The following RANBP2 variants were observed in gnomAD, a reference collection of about 807,000 sequenced individuals.
RANBP2 encodes the protein E3 SUMO-protein ligase RanBP2.
RANBP2 carries 57 observed loss-of-function variants against 303.6 expected under a neutral mutation model. That is an observed-to-expected ratio of 0.19 (90% CI 0.15 to 0.23). RANBP2 has a LOEUF of 0.23. RANBP2 is among the 10% of genes least tolerant of loss of function. The pLI is 1.00. For synonymous variants in RANBP2, 1,167 were observed against 1,301.5 expected, an observed-to-expected ratio of 0.90 and a Z score of 2.23; for missense variants, 3,138 against 3,780.8, an observed-to-expected ratio of 0.83 and a Z score of 4.46.
the RANBP2 span, among the ~76,000 whole-genome samples, chr2:109,722,710 CACTTAT>C: frequency 6.6e-6 from 1 of 152,162 alleles, no homozygotes. Flanking sequence ...GTTCAGCTCC[CACTTAT>C]AAGTGAGAAC....
chr2:109,219,256 C>A, the RANBP2 span, among the ~76,000 whole-genome samples: 1 of 152,050 alleles, frequency 6.6e-6, no homozygotes, highest in Non-Finnish European at 1.5e-5. Flanking sequence ...ACCGTTTTTG[C>A]TCAGCACTTT....
chr2:109,033,220 A>G, the RANBP2 span, among the ~76,000 whole-genome samples: 9 of 152,118 alleles, frequency 5.9e-5, no homozygotes, highest in Admixed American at 4.6e-4. Context: ...TTAATTTTGC[A>G]TTCAGCCTCG....
chr2:108,775,119 T>A (rs1677784895), intron 23 of RANBP2, among the ~76,000 whole-genome samples: 1 of 152,238 alleles, frequency 6.6e-6, no homozygotes, highest in Non-Finnish European at 1.5e-5. Context: ...TTTTAATATG[T>A]GATATTTTCT....
chr2:109,615,175 G>C, the RANBP2 span: 2 of 1,548,896 alleles, frequency 1.3e-6, no homozygotes, highest in Non-Finnish European at 8.7e-7. Flanking sequence ...AGCCCGGGCA[G>C]CTCCTCCGGG....
the RANBP2 span, among the ~76,000 whole-genome samples, chr2:109,575,692 C>T: frequency 0.045 from 6,864 of 152,248 alleles, 540 homozygotes; most frequent in African/African-American, 0.15. Context: ...TCTGGGTTTC[C>T]AAGTGAAAAT....
the RANBP2 span, among the ~76,000 whole-genome samples, chr2:109,048,232 C>T: frequency 1.8e-4 from 27 of 152,332 alleles, no homozygotes; most frequent in South Asian, 6.2e-4. Flanking sequence ...TATTTTTGCT[C>T]TTTCTTGCTA....
At chr2:109,103,522 T>G in the RANBP2 span, among the ~76,000 whole-genome samples, 1 of 152,258 alleles carries the variant, frequency 6.6e-6, no homozygotes, top group Non-Finnish European at 1.5e-5. Flanking sequence ...AAAGATTTTC[T>G]GATCAGCAGT....
chr2:108,865,686 C>T, the RANBP2 span, among the ~76,000 whole-genome samples: 2 of 152,162 alleles, frequency 1.3e-5, no homozygotes, highest in Admixed American at 6.5e-5. Flanking sequence ...ACCATGGAGA[C>T]TGAAGCCATT....
At chr2:109,716,838 C>T in the RANBP2 span, among the ~76,000 whole-genome samples, 3 of 152,206 alleles carry the variant, frequency 2.0e-5, no homozygotes, top group South Asian at 2.1e-4. Context: ...CATGAGCCAC[C>T]GCGCCCAGCC....
At chr2:109,582,927 A>G in the RANBP2 span, among the ~76,000 whole-genome samples, 1 of 152,206 alleles carries the variant, frequency 6.6e-6, no homozygotes, top group Non-Finnish European at 1.5e-5. Context: ...AGCAATGGGG[A>G]AAGGACTCTC....
At chr2:108,777,075 G>A (rs1677940954) in intron 24 of RANBP2, 55 bp from the exon 25 acceptor site, 2 of 1,496,830 alleles carry the variant, frequency 1.3e-6, no homozygotes, top group African/African-American at 1.4e-5. Flanking sequence ...CTGGGGTAAA[G>A]CTTTGATATT....
intron 8 of RANBP2, among the ~76,000 whole-genome samples, 194 bp from the exon 9 acceptor site, chr2:108,748,726 T>C (rs572841640): frequency 6.6e-6 from 1 of 152,332 alleles, no homozygotes; most frequent in East Asian, 1.9e-4. Context: ...ATGTAGATAC[T>C]GAGAATATTA....
chr2:109,348,867 G>T, the RANBP2 span, among the ~76,000 whole-genome samples: 1 of 152,170 alleles, frequency 6.6e-6, no homozygotes, highest in South Asian at 2.1e-4. Context: ...TCCTAATGCA[G>T]ATCTCTGATG....
downstream of RANBP2, chr2:108,785,880 GAT>G (rs1233423210): frequency 6.6e-6 from 1 of 152,190 alleles, no homozygotes; most frequent in Non-Finnish European, 1.5e-5. Context: ...CTGAAGTACA[GAT>G]TTTATAAAAC....
chr2:109,484,207 C>T, the RANBP2 span, among the ~76,000 whole-genome samples: 2 of 152,076 alleles, frequency 1.3e-5, no homozygotes, highest in Admixed American at 6.6e-5. Flanking sequence ...GCTGGGATTA[C>T]AGGCGCTTGC....
the RANBP2 span, among the ~76,000 whole-genome samples, chr2:109,061,931 G>A: frequency 0.026 from 3,979 of 152,212 alleles, 136 homozygotes; most frequent in African/African-American, 0.077. Context: ...CCGTGTGGCT[G>A]TCAGAGTGGA....
At chr2:109,334,577 G>A in the RANBP2 span, among the ~76,000 whole-genome samples, 5 of 152,098 alleles carry the variant, frequency 3.3e-5, no homozygotes, top group Non-Finnish European at 7.3e-5. Context: ...GGATGCCAGG[G>A]ATGGAGTGAG....
At chr2:109,513,134 C>T in the RANBP2 span, among the ~76,000 whole-genome samples, 2 of 152,168 alleles carry the variant, frequency 1.3e-5, no homozygotes, top group Non-Finnish European at 2.9e-5. Context: ...TTCCCTGGCA[C>T]AATGCCCCGA....
intron 20 of RANBP2, among the ~76,000 whole-genome samples, chr2:108,770,491 T>C (rs1677420853): frequency 1.3e-5 from 2 of 152,210 alleles, no homozygotes; most frequent in Admixed American, 6.5e-5. Flanking sequence ...TGCAATGGCT[T>C]GTGCCTATAA....
Sources: gnomAD v4.1 joint callset for allele counts (sites outside exome capture counted in the v4.1 genomes callset) on GRCh38, gnomAD v4.1.1 for gene constraint, MANE v1.5 for transcripts, NCBI Gene and HGNC (gene_info 2026-07-23, HGNC 2026-07-21) for gene names.